Variants in PHACTR1 observed in about 807,000 individuals in gnomAD.
PHACTR1 encodes RPEL repeat containing 1.
Under a neutral mutation model 69.2 loss-of-function variants are expected in PHACTR1, and 16 were observed. That is an observed-to-expected ratio of 0.23 (90% CI 0.16 to 0.35). PHACTR1 has a LOEUF of 0.35. Among genes scored for constraint, PHACTR1 ranks in the 10% least tolerant of loss-of-function variants. The probability of loss-of-function intolerance (pLI) is 1.00; values close to 1 mark genes in which losing one functional copy is unlikely to be tolerated. For synonymous variants in PHACTR1, 312 were observed against 284.5 expected, an observed-to-expected ratio of 1.10 and a Z score of -0.97; for missense variants, 510 against 734.7, an observed-to-expected ratio of 0.69 and a Z score of 3.54.
chr6:13,078,322 C>T (rs1487572856), intron 5 of PHACTR1, among the ~76,000 whole-genome samples: 3 of 152,280 alleles, frequency 2.0e-5, no homozygotes, highest in Non-Finnish European at 4.4e-5. Flanking sequence ...CTGTCTGTCT[C>T]CAAATTTCCC....
intron 4 of PHACTR1, among the ~76,000 whole-genome samples, chr6:13,008,288 A>C (rs1369332353): frequency 6.6e-6 from 1 of 152,228 alleles, no homozygotes; most frequent in Non-Finnish European, 1.5e-5. Context: ...CATATGCAGG[A>C]GTGACATTCA....
chr6:13,199,453 T>A (rs1487191479), intron 7 of PHACTR1, among the ~76,000 whole-genome samples: 1 of 149,348 alleles, frequency 6.7e-6, no homozygotes, highest in Non-Finnish European at 1.5e-5. Flanking sequence ...AGTAGAAGCC[T>A]GATCTACCCA....
intron 5 of PHACTR1, among the ~76,000 whole-genome samples, chr6:13,111,705 G>C (rs530229545): frequency 8.9e-4 from 135 of 152,102 alleles, no homozygotes; most frequent in Non-Finnish European, 7.4e-4. Context: ...AATAATGCGT[G>C]TTCACATCGC....
chr6:12,726,089 C>T (rs1762754175), intron 3 of PHACTR1, among the ~76,000 whole-genome samples: 1 of 151,796 alleles, frequency 6.6e-6, no homozygotes, highest in African/African-American at 2.4e-5. Flanking sequence ...GAGATATAGG[C>T]AATGGAAGCA....
At chr6:12,883,945 TACATATACAC>T (rs1258089092) in intron 4 of PHACTR1, among the ~76,000 whole-genome samples, 2 of 152,086 alleles carry the variant, frequency 1.3e-5, no homozygotes. Flanking sequence ...TACATACACA[TACATATACAC>T]ACAGTCACAC....
chr6:13,195,272 G>A (rs557869513), intron 7 of PHACTR1, among the ~76,000 whole-genome samples: 9 of 152,230 alleles, frequency 5.9e-5, no homozygotes, highest in African/African-American at 1.9e-4. Context: ...ATCTTCAGGT[G>A]GAGTACCTAT....
chr6:13,033,486 A>T (rs1583053818), intron 4 of PHACTR1, among the ~76,000 whole-genome samples: 1 of 152,210 alleles, frequency 6.6e-6, no homozygotes, highest in Admixed American at 6.5e-5. Flanking sequence ...GTTAAAATGC[A>T]CCATTATATC....
At chr6:12,829,964 A>AAGAAAG (rs1554146291) in intron 4 of PHACTR1, among the ~76,000 whole-genome samples, 3 of 99,854 alleles carry the variant, frequency 3.0e-5, no homozygotes, top group African/African-American at 1.3e-4. Context: ...TCAAGAAAGA[A>AAGAAAG]AGAGAGAGAG....
intron 5 of PHACTR1, among the ~76,000 whole-genome samples, chr6:13,157,739 G>C (rs114874312): frequency 6.6e-6 from 1 of 152,122 alleles, no homozygotes; most frequent in South Asian, 2.1e-4. Flanking sequence ...AGTACAGAAG[G>C]GGAAAGCATC....
intron 5 of PHACTR1, among the ~76,000 whole-genome samples, chr6:13,097,787 C>T (rs1453402076): frequency 1.3e-5 from 2 of 152,148 alleles, no homozygotes; most frequent in Non-Finnish European, 2.9e-5. Context: ...CCCCAGGTCT[C>T]CTCCTTTCCA....
rs1341005951 is a variant in PHACTR1 at position 13,092,388 on chromosome 6, A to G, written c.415+38859A>G. 2.0e-5 allele frequency among the ~76,000 whole-genome samples: 3 copies of G among 152,284 alleles called. No homozygotes were observed. The East Asian group carries it at 5.8e-4, about 29-fold the overall frequency. ...TTTACTAAGTCCTGTGCTGGGTACT[A>G]AAAATATAGAGGTGAACCAGGCAGA... On this transcript the variant is annotated intron_variant, in intron 5 of 14. Coordinates refer to ENST00000332995, the MANE Select transcript of PHACTR1 (RefSeq NM_030948.6).
rs140956161 is a variant in PHACTR1, at chr6:12,972,692, C to T, written c.251-80673C>T. 5.7e-3 allele frequency among the ~76,000 whole-genome samples: 836 copies of T among 147,496 alleles called. 8 individuals are homozygous for T. Among genetic ancestry groups the T allele is most frequent in the African/African-American group, 0.02 (790 of 39,930 alleles). On this transcript the variant is annotated intron_variant, in intron 4 of 14. Transcript: ENST00000332995. ...TTTGAGACAGAGTCTCACTCTGTCACTCAGGCTGGAGTGCAGTGGTGCAAT... is the reference window on the plus strand; with the variant it reads ...TTTGAGACAGAGTCTCACTCTGTCATTCAGGCTGGAGTGCAGTGGTGCAAT...
intron 4 of PHACTR1, among the ~76,000 whole-genome samples, chr6:12,769,035 G>A (rs1357621276): frequency 6.6e-6 from 1 of 151,998 alleles, no homozygotes; most frequent in Non-Finnish European, 1.5e-5. Context: ...AGCAGAGAGT[G>A]GAATGGTGGT....
chr6:12,878,149 T>G (rs1782727458), intron 4 of PHACTR1, among the ~76,000 whole-genome samples: 1 of 152,228 alleles, frequency 6.6e-6, no homozygotes, highest in Non-Finnish European at 1.5e-5. Context: ...TCGGTGAATA[T>G]GTATTAAACA....
chr6:12,889,600 A>G (rs1783966411), intron 4 of PHACTR1, among the ~76,000 whole-genome samples: 1 of 152,120 alleles, frequency 6.6e-6, no homozygotes, highest in Non-Finnish European at 1.5e-5. Flanking sequence ...CTAGTGTTTC[A>G]GTGTTATTTT....
chr6:12,960,545 T>C (rs1283394539), intron 4 of PHACTR1, among the ~76,000 whole-genome samples: 1 of 152,144 alleles, frequency 6.6e-6, no homozygotes. Context: ...TAAACAACAT[T>C]TGTCCCCAGA....
intron 3 of PHACTR1, among the ~76,000 whole-genome samples, chr6:12,736,385 G>C (rs1368863694): frequency 1.3e-5 from 2 of 152,174 alleles, no homozygotes; most frequent in Middle Eastern, 3.4e-3. Context: ...GTGCAAAATG[G>C]TGAGATATAA....
At chr6:12,911,283 C>T (rs1479093113) in intron 4 of PHACTR1, among the ~76,000 whole-genome samples, 1 of 152,076 alleles carries the variant, frequency 6.6e-6, no homozygotes, top group African/African-American at 2.4e-5. Context: ...CTTCTAGTTT[C>T]TGCAGAAATC....
At chr6:12,885,168 A>G (rs1314517639) in intron 4 of PHACTR1, among the ~76,000 whole-genome samples, 1 of 152,200 alleles carries the variant, frequency 6.6e-6, no homozygotes, top group Non-Finnish European at 1.5e-5. Flanking sequence ...TGCGGAATGC[A>G]GGGAAGGTCC....
Sources: gnomAD v4.1 joint callset for allele counts (sites outside exome capture counted in the v4.1 genomes callset) on GRCh38, gnomAD v4.1.1 for gene constraint, MANE v1.5 for transcripts, NCBI Gene and HGNC (gene_info 2026-07-23, HGNC 2026-07-21) for gene names.